WDFY1: variants seen among roughly 807,000 people sequenced by gnomAD.
WDFY1 encodes the protein WD repeat and FYVE domain containing 1, also known as WD repeat and FYVE domain-containing protein 1.
A neutral mutation model predicts 56.4 loss-of-function variants in WDFY1; 32 were observed. The ratio of observed to expected loss-of-function variants is 0.57; its 90% CI spans 0.43 to 0.76. The LOEUF (loss-of-function observed/expected upper bound fraction) is 0.76. Ranked by LOEUF, WDFY1 falls within the 30% of genes least tolerant of loss-of-function variation. WDFY1 has a pLI of 0.00. For missense variants in WDFY1, 480 were observed against 545.7 expected (o/e 0.88, Z 1.20); for synonymous variants, 192 against 197.3 (o/e 0.97, Z 0.23).
intron 3 of WDFY1, 59 bp downstream of exon 3, chr2:223,912,194 G>A: frequency 2.0e-6 from 3 of 1,497,886 alleles, no homozygotes; most frequent in East Asian, 2.5e-5. Context: ...GGACATGGGA[G>A]GTCAATATAA....
intron 11 of WDFY1, 35 bp from the exon 12 acceptor site, chr2:223,878,765 G>A: frequency 6.2e-7 from 1 of 1,607,772 alleles, no homozygotes; most frequent in Non-Finnish European, 8.5e-7. Flanking sequence ...AAAGGCAGCA[G>A]TGATAACCAG....
At chr2:223,899,186 A>T in intron 5 of WDFY1, 116 bp from the exon 6 acceptor site, 1 of 751,862 alleles carries the variant, frequency 1.3e-6, no homozygotes, top group Non-Finnish European at 2.3e-6. Flanking sequence ...CATTTTAAAG[A>T]GAATAAGCAT....
intron 10 of WDFY1, among the ~76,000 whole-genome samples, chr2:223,881,420 T>C (rs546970188): frequency 3.9e-5 from 6 of 152,338 alleles, no homozygotes; most frequent in African/African-American, 1.4e-4. Flanking sequence ...AGGAGAAAGC[T>C]GCCCAGTCAG....
chr2:223,927,292 A>C (rs1183586256), intron 1 of WDFY1, among the ~76,000 whole-genome samples: 1 of 152,208 alleles, frequency 6.6e-6, no homozygotes, highest in East Asian at 1.9e-4. Context: ...TCTTCTTCCA[A>C]AAGAATTGTT....
chr2:223,928,016 TCA>T (rs1444397978), intron 1 of WDFY1, among the ~76,000 whole-genome samples: 2 of 152,054 alleles, frequency 1.3e-5, no homozygotes, highest in Non-Finnish European at 2.9e-5. Context: ...AGTATTCAGA[TCA>T]CACACACTAT....
At chr2:223,936,402 T>C (rs896996169) in intron 1 of WDFY1, among the ~76,000 whole-genome samples, 3 of 152,032 alleles carry the variant, frequency 2.0e-5, no homozygotes, top group African/African-American at 7.2e-5. Context: ...AAGGAGCTAA[T>C]GAAAGGTCAT....
chr2:223,915,797 T>C (rs994859685), intron 2 of WDFY1, among the ~76,000 whole-genome samples: 3 of 152,126 alleles, frequency 2.0e-5, no homozygotes, highest in Non-Finnish European at 4.4e-5. Context: ...CTGGGGCAGG[T>C]TGGGTAACAG....
intron 1 of WDFY1, among the ~76,000 whole-genome samples, chr2:223,919,199 T>G (rs1005979513): frequency 2.0e-5 from 3 of 152,090 alleles, no homozygotes; most frequent in African/African-American, 7.2e-5. Context: ...TGACAATCAC[T>G]TTTATGTTTC....
chr2:223,916,140 T>C (rs1693783549), intron 2 of WDFY1, among the ~76,000 whole-genome samples: 1 of 152,202 alleles, frequency 6.6e-6, no homozygotes, highest in Admixed American at 6.5e-5. Context: ...TTTCACTGAA[T>C]GACTACCAAG....
intron 4 of WDFY1, among the ~76,000 whole-genome samples, chr2:223,905,251 G>A (rs984767092): frequency 6.6e-6 from 1 of 152,024 alleles, no homozygotes; most frequent in Non-Finnish European, 1.5e-5. Flanking sequence ...ATAAATCTAG[G>A]GCACTTAAAA....
intron 11 of WDFY1, among the ~76,000 whole-genome samples, chr2:223,878,999 C>T (rs760233007): frequency 1.2e-4 from 18 of 152,136 alleles, no homozygotes; most frequent in Non-Finnish European, 2.2e-4. Flanking sequence ...GCCTGGCCAA[C>T]GTGGCAAAAC....
chr2:223,880,362 T>G lies in WDFY1; in HGVS notation c.1065-130A>C. The G allele has an allele frequency of 4.1e-6, 3 of 728,152 alleles. No individual in the cohort carries two copies. In the South Asian group the frequency reaches 5.1e-5, roughly 12 times the overall value. 45.1% of individuals were successfully genotyped at this position (728,152 alleles called of 1,614,324 possible). On this transcript the variant is annotated intron_variant, in intron 10 of 11. Transcript: ENST00000233055. ...TGGCTCATGTCTGTACCCCCAGCAC[T>G]TTGGGAGGCCGAGACGGGTGGATCA...
intron 10 of WDFY1, among the ~76,000 whole-genome samples, chr2:223,880,564 A>C (rs1013292029): frequency 4.7e-5 from 7 of 150,072 alleles, no homozygotes; most frequent in African/African-American, 1.7e-4. Flanking sequence ...CCGAGATTGT[A>C]CCACTGCACT....
Position 223,881,962 on chromosome 2 carries a change from G to A in WDFY1, c.1044C>T (p.Tyr348=), listed in dbSNP as rs1693080733. The A allele has an allele frequency of 4.3e-6, 7 of 1,613,708 alleles. No homozygotes were observed. Among genetic ancestry groups the A allele is most frequent in the Non-Finnish European group, 5.1e-6 (6 of 1,179,736 alleles). The change falls in exon 10 of 12, where the codon TAC becomes TAT. Residue 348 remains tyrosine (Y), a synonymous_variant. Transcript: ENST00000233055. The part of the protein sequence containing the change: ...EFQVRVCDSC[Y]DSIKDEDRTS... ...CTCACTCTTCATCTTTGATGGAGTC[G>A]TAACAAGAATCACAAACCCGGACTT...
intron 1 of WDFY1, among the ~76,000 whole-genome samples, chr2:223,922,467 A>G (rs1693903597): frequency 6.6e-6 from 1 of 152,192 alleles, no homozygotes; most frequent in Non-Finnish European, 1.5e-5. Context: ...CTCCACCTCC[A>G]AACACACAGT....
chr2:223,926,136 G>A (rs925387827), intron 1 of WDFY1, among the ~76,000 whole-genome samples: 1 of 152,116 alleles, frequency 6.6e-6, no homozygotes, highest in African/African-American at 2.4e-5. Context: ...ATCTACGGCA[G>A]TTATAGCCTT....
chr2:223,894,164 G>A, intron 8 of WDFY1, 70 bp downstream of exon 8: 2 of 1,527,790 alleles, frequency 1.3e-6, no homozygotes, highest in Non-Finnish European at 1.8e-6. Context: ...CTTGCGGGGT[G>A]AAAAGCCAAG....
chr2:223,945,173 C>A lies in WDFY1; in HGVS notation c.112G>T (p.Gly38Cys). The A allele has an allele frequency of 2.5e-6, 4 of 1,597,570 alleles. No homozygotes were observed. Among genetic ancestry groups the A allele is most frequent in the Non-Finnish European group, 3.4e-6 (4 of 1,175,344 alleles). Residue 38 changes from glycine (G) to cysteine (C), a missense_variant, in exon 1 of 12, where the codon GGC becomes TGC. Coordinates refer to ENST00000233055, the MANE Select transcript of WDFY1 (RefSeq NM_020830.5). Reference sequence around the variant, plus strand: ...CTGTCCTCGCTGGCCGTGATCACGCCGTCCTCCTTGGGGATGAGCAGCGCG... The same window carrying A: ...CTGTCCTCGCTGGCCGTGATCACGCAGTCCTCCTTGGGGATGAGCAGCGCG... ...TAALLIPKED[G>C]VITASEDRTI...
intron 2 of WDFY1, among the ~76,000 whole-genome samples, chr2:223,912,865 C>T (rs560141669): frequency 2.6e-5 from 4 of 152,136 alleles, no homozygotes; most frequent in African/African-American, 2.4e-5. Flanking sequence ...CCAGAAATCA[C>T]AGGCTAGAGA....
Sources: allele counts gnomAD v4.1 joint callset (sites outside exome capture counted in the v4.1 genomes callset), GRCh38; gene constraint gnomAD v4.1.1; transcripts MANE v1.5; gene names NCBI Gene and HGNC (gene_info 2026-07-23, HGNC 2026-07-21).